Variants in YAP1 observed in about 807,000 individuals in gnomAD.
YAP1 encodes the protein Yes1 associated transcriptional regulator.
In YAP1, 5 loss-of-function variants were observed where a neutral mutation model predicts 56.9. That is an observed-to-expected ratio of 0.09 (90% CI 0.05 to 0.18). The LOEUF is 0.18. Ranked by LOEUF, YAP1 falls within the 10% of genes least tolerant of loss-of-function variation. YAP1 has a pLI of 1.00. For missense variants in YAP1, 539 were observed against 651.8 expected (o/e 0.83, Z 1.88); for synonymous variants, 265 against 248.1 (o/e 1.07, Z -0.64).
intron 4 of YAP1, among the ~76,000 whole-genome samples, chr11:102,200,113 G>T (rs1373045374): frequency 6.6e-6 from 1 of 151,960 alleles, no homozygotes; most frequent in Non-Finnish European, 1.5e-5. Context: ...TAACTTACAC[G>T]TTTACATAGT....
intron 2 of YAP1, among the ~76,000 whole-genome samples, chr11:102,144,150 G>A (rs187821648): frequency 6.6e-6 from 1 of 152,264 alleles, no homozygotes; most frequent in African/African-American, 2.4e-5. Flanking sequence ...TGAAAGTAGT[G>A]ATTACCAGAG....
chr11:102,165,525 T>C (rs1946553679), intron 3 of YAP1, among the ~76,000 whole-genome samples: 1 of 151,300 alleles, frequency 6.6e-6, no homozygotes, highest in Admixed American at 6.6e-5. Context: ...GACTGGAGGG[T>C]TAGGAGTGAG....
intron 2 of YAP1, among the ~76,000 whole-genome samples, chr11:102,122,333 G>C (rs1042533023): frequency 2.6e-5 from 4 of 151,946 alleles, no homozygotes; most frequent in African/African-American, 4.8e-5. Context: ...GCTGAGGCAT[G>C]AGAATCGTTT....
At chr11:102,180,226 A>C (rs1947508109) in intron 3 of YAP1, among the ~76,000 whole-genome samples, 1 of 151,970 alleles carries the variant, frequency 6.6e-6, no homozygotes, top group African/African-American at 2.4e-5. Context: ...CATGTTGGCC[A>C]GGCTGGTCTC....
chr11:102,171,679 G>A (rs1185990318), intron 3 of YAP1, among the ~76,000 whole-genome samples: 1 of 152,164 alleles, frequency 6.6e-6, no homozygotes, highest in East Asian at 1.9e-4. Flanking sequence ...GGCTCACTGA[G>A]CTTGTACTTG....
intron 2 of YAP1, among the ~76,000 whole-genome samples, chr11:102,128,666 T>C (rs1944184245): frequency 6.6e-6 from 1 of 152,232 alleles, no homozygotes; most frequent in Non-Finnish European, 1.5e-5. Context: ...TAGATTTTCT[T>C]AAAGGGAGAA....
chr11:102,218,891 A>G (rs1949785058), intron 6 of YAP1, among the ~76,000 whole-genome samples: 1 of 152,364 alleles, frequency 6.6e-6, no homozygotes, highest in Non-Finnish European at 1.5e-5. Context: ...TAACAAACAT[A>G]GTGGCCAAAT....
chr11:102,172,210 A>AG, intron 3 of YAP1, among the ~76,000 whole-genome samples: 1 of 144,198 alleles, frequency 6.9e-6, no homozygotes, highest in Non-Finnish European at 1.5e-5. Context: ...AAATAAAAGA[A>AG]AAAGTTGTGG....
chr11:102,145,176 C>T (rs571811077), intron 2 of YAP1, among the ~76,000 whole-genome samples: 1 of 152,274 alleles, frequency 6.6e-6, no homozygotes, highest in South Asian at 2.1e-4. Flanking sequence ...ATCCAGAGGC[C>T]AGGACTGTTG....
chr11:102,121,542 A>T (rs1943652634), intron 2 of YAP1, among the ~76,000 whole-genome samples: 1 of 152,010 alleles, frequency 6.6e-6, no homozygotes, highest in Non-Finnish European at 1.5e-5. Flanking sequence ...TCCAGTCTGG[A>T]ATGTGAATCC....
At chr11:102,111,662 G>C (rs1942927121) in intron 1 of YAP1, among the ~76,000 whole-genome samples, 1 of 152,198 alleles carries the variant, frequency 6.6e-6, no homozygotes, top group African/African-American at 2.4e-5. Flanking sequence ...AGCGGCGGCC[G>C]AGTTTGTGAA....
chr11:102,112,640 G>A (rs1012668565), intron 1 of YAP1: 35 of 984,942 alleles, frequency 3.6e-5, no homozygotes, highest in Non-Finnish European at 4.1e-5. Context: ...AAGGGTTTTG[G>A]AACTCAGAAA....
chr11:102,110,961 C>G lies in YAP1; in HGVS notation c.113C>G (p.Pro38Arg), dbSNP rs1475066735. 2.0e-6 allele frequency: 3 copies of G among 1,512,892 alleles called. No homozygotes were observed. Among genetic ancestry groups the G allele is most frequent in the Middle Eastern group, 2.3e-4 (1 of 4,362 alleles). 93.7% of individuals were successfully genotyped at this position (1,512,892 alleles called of 1,614,324 possible). The change falls in exon 1 of 9, where the codon CCC becomes CGC. Residue 38 changes from proline (P) to arginine (R), a missense_variant. Physicochemically the swap from Pro to Arg is moderately radical, Grantham distance 103 (BLOSUM62 -2). Transcript: ENST00000282441. ...GPPSGPGQPA[P>R]AATQAAPQAP... ...CCGTCCGGACCCGGGCAACCGGCAC[C>G]CGCGGCGACCCAGGCGGCGCCGCAG...
intron 2 of YAP1, among the ~76,000 whole-genome samples, chr11:102,125,138 G>A (rs1365257658): frequency 6.6e-6 from 1 of 151,524 alleles, no homozygotes; most frequent in Non-Finnish European, 1.5e-5. Flanking sequence ...TGAACCTCAG[G>A]TGATCGTCCT....
chr11:102,223,329 T>A (rs1205813141), intron 6 of YAP1, among the ~76,000 whole-genome samples: 1 of 151,694 alleles, frequency 6.6e-6, no homozygotes, highest in Non-Finnish European at 1.5e-5. Context: ...AAAGGAGGAT[T>A]TGGGAGTATC....
At chr11:102,223,109 G>C (rs533209894) in intron 6 of YAP1, among the ~76,000 whole-genome samples, 1 of 151,770 alleles carries the variant, frequency 6.6e-6, no homozygotes, top group African/African-American at 2.4e-5. Flanking sequence ...TTAGCTGGGC[G>C]TGGTGGTGCG....
chr11:102,118,349 T>C (rs1943425637), intron 2 of YAP1, among the ~76,000 whole-genome samples: 1 of 152,156 alleles, frequency 6.6e-6, no homozygotes, highest in South Asian at 2.1e-4. Context: ...AAAAAGGATA[T>C]GTTTTTCAGA....
At chr11:102,179,050 C>T (rs896410569) in intron 3 of YAP1, among the ~76,000 whole-genome samples, 1 of 143,616 alleles carries the variant, frequency 7.0e-6, no homozygotes. Flanking sequence ...CCCCACCCCC[C>T]ACCCCGTGAC....
At chr11:102,225,120 T>A (rs1341210894) in intron 7 of YAP1, among the ~76,000 whole-genome samples, 1 of 152,110 alleles carries the variant, frequency 6.6e-6, no homozygotes, top group Non-Finnish European at 1.5e-5. Flanking sequence ...TGTATATGCA[T>A]TCTCTGCAGT....
Sources: allele counts gnomAD v4.1 joint callset (sites outside exome capture counted in the v4.1 genomes callset), GRCh38; gene constraint gnomAD v4.1.1; transcripts MANE v1.5; gene names NCBI Gene and HGNC (gene_info 2026-07-23, HGNC 2026-07-21).